GLRA2: variants seen among roughly 807,000 people sequenced by gnomAD.
The protein encoded by GLRA2 is glycine receptor alpha 2.
Under a neutral mutation model 31.6 loss-of-function variants are expected in GLRA2, and 11 were observed. The observed-to-expected ratio is 0.35, with a 90% CI of 0.22 to 0.58. GLRA2 has a LOEUF of 0.58. Ranked by LOEUF, GLRA2 falls within the 20% of genes least tolerant of loss-of-function variation. GLRA2 has a pLI of 0.84. For synonymous variants in GLRA2, 132 were observed against 134.0 expected (o/e 0.99, Z 0.10); for missense variants, 212 against 351.8 (o/e 0.60, Z 3.18).
the GLRA2 span, among the ~76,000 whole-genome samples, chrX:14,475,319 T>C: frequency 1.8e-5 from 2 of 112,718 alleles, no homozygotes; most frequent in South Asian, 7.3e-4. Context: ...GAAAGATGCA[T>C]GTCTAATTCA....
At chrX:14,662,001 A>G (rs953773775) in intron 7 of GLRA2, among the ~76,000 whole-genome samples, 9 of 110,543 alleles carry the variant, frequency 8.1e-5, no homozygotes, top group African/African-American at 3.0e-4. Flanking sequence ...GATGTATTCA[A>G]AGTAGCAACT....
the GLRA2 span, among the ~76,000 whole-genome samples, chrX:14,503,276 G>A: frequency 2.7e-5 from 3 of 111,270 alleles, no homozygotes; most frequent in Non-Finnish European, 5.7e-5. Flanking sequence ...GACTTAATGA[G>A]TGACCTGCTG....
chrX:14,496,206 A>G, the GLRA2 span, among the ~76,000 whole-genome samples: 2 of 111,600 alleles, frequency 1.8e-5, no homozygotes, highest in African/African-American at 6.5e-5. Context: ...ATATTGACAT[A>G]GAGGGACTGT....
intron 2 of GLRA2, among the ~76,000 whole-genome samples, chrX:14,559,591 A>AT (rs2089699259): frequency 9.3e-6 from 1 of 107,004 alleles, no homozygotes. Context: ...TAATGTTTGT[A>AT]TTTTTTTAGT....
chrX:14,687,619 G>A (rs760273538), intron 7 of GLRA2, among the ~76,000 whole-genome samples: 28 of 112,060 alleles, frequency 2.5e-4, no homozygotes, highest in African/African-American at 5.8e-4. Context: ...TTGTGCATGC[G>A]TCACGTAGTT....
At chrX:14,709,781 A>G (rs116270892) in intron 8 of GLRA2, among the ~76,000 whole-genome samples, 3,038 of 111,581 alleles carry the variant, frequency 0.027, 101 homozygotes, top group African/African-American at 0.094. Context: ...TGCTGCTTTG[A>G]ATGTCCTTGA....
intron 2 of GLRA2, among the ~76,000 whole-genome samples, chrX:14,544,529 TTAAATC>T (rs1295307141): frequency 1.8e-5 from 2 of 111,655 alleles, no homozygotes; most frequent in African/African-American, 3.2e-5. Context: ...TTTTAAAAAT[TTAAATC>T]TATACCAAAA....
At chrX:14,708,800 G>A (rs889528467) in intron 8 of GLRA2, among the ~76,000 whole-genome samples, 1 of 111,552 alleles carries the variant, frequency 9.0e-6, no homozygotes, top group Non-Finnish European at 1.9e-5. Flanking sequence ...GCCGGGCACG[G>A]TGGCTCATGC....
chrX:14,607,689 A>T (rs1192732933), intron 6 of GLRA2, among the ~76,000 whole-genome samples: 1 of 111,545 alleles, frequency 9.0e-6, no homozygotes, highest in Non-Finnish European at 1.9e-5. Flanking sequence ...TTAGTGGAAA[A>T]GAGGGACAAT....
At chrX:14,585,154 A>C (rs1315600245) in intron 4 of GLRA2, among the ~76,000 whole-genome samples, 1 of 111,567 alleles carries the variant, frequency 9.0e-6, no homozygotes, top group African/African-American at 3.3e-5. Context: ...AAACCTTGGT[A>C]AAGGAGAATT....
chrX:14,543,081 G>T (rs774055925), intron 2 of GLRA2, among the ~76,000 whole-genome samples: 57 of 108,513 alleles, frequency 5.3e-4, no homozygotes, highest in Non-Finnish European at 5.2e-4. Context: ...AAGATCCTAT[G>T]TGCCTATATT....
intron 2 of GLRA2, among the ~76,000 whole-genome samples, chrX:14,569,305 T>C (rs777691681): frequency 8.9e-6 from 1 of 111,938 alleles, no homozygotes; most frequent in Non-Finnish European, 1.9e-5. Context: ...TAAAAACTTT[T>C]ATGCATCAAA....
the GLRA2 span, among the ~76,000 whole-genome samples, chrX:14,494,930 T>G: frequency 8.9e-6 from 1 of 111,957 alleles, no homozygotes; most frequent in Non-Finnish European, 1.9e-5. Context: ...ACCTGGCCTT[T>G]AATCAGTCCT....
At chrX:14,483,931 C>A in the GLRA2 span, among the ~76,000 whole-genome samples, 1 of 110,979 alleles carries the variant, frequency 9.0e-6, no homozygotes, top group African/African-American at 3.3e-5. Flanking sequence ...ACTGGCCTAG[C>A]CTCCCAGCCT....
the GLRA2 span, among the ~76,000 whole-genome samples, chrX:14,475,117 A>G: frequency 1.8e-5 from 2 of 112,134 alleles, no homozygotes; most frequent in East Asian, 5.6e-4. Context: ...ACCTCTTTCT[A>G]CCACTCACAG....
chrX:14,618,929 C>T (rs1237794474), intron 7 of GLRA2, among the ~76,000 whole-genome samples: 2 of 111,613 alleles, frequency 1.8e-5, no homozygotes, highest in African/African-American at 3.3e-5. Flanking sequence ...TTAGTTCCTT[C>T]GTATATTTCA....
At chrX:14,525,677 G>C (rs1264480034), upstream of GLRA2, among the ~76,000 whole-genome samples, 1 of 111,259 alleles carries the variant, frequency 9.0e-6, no homozygotes, top group Non-Finnish European at 1.9e-5. Context: ...TCGAATCAAG[G>C]ATATTGAATT....
intron 2 of GLRA2, 87 bp downstream of exon 2, chrX:14,532,459 A>C: frequency 5.4e-6 from 3 of 551,441 alleles, no homozygotes; most frequent in Non-Finnish European, 8.3e-6. Flanking sequence ...CAGGGCTTTT[A>C]ATTATAAAAT....
At chrX:14,488,422 C>T in the GLRA2 span, among the ~76,000 whole-genome samples, 1 of 111,826 alleles carries the variant, frequency 8.9e-6, no homozygotes, top group Admixed American at 9.5e-5. Context: ...GATGGCCCTG[C>T]TAGGAGCTAA....
Sources: allele counts gnomAD v4.1 joint callset (sites outside exome capture counted in the v4.1 genomes callset), GRCh38; gene constraint gnomAD v4.1.1; transcripts MANE v1.5; gene names NCBI Gene and HGNC (gene_info 2026-07-23, HGNC 2026-07-21).